TTC12: variants seen among roughly 807,000 people sequenced by gnomAD.
TTC12 encodes tetratricopeptide repeat domain 12.
In TTC12, 70 loss-of-function variants were observed where a neutral mutation model predicts 90.1. The ratio of observed to expected loss-of-function variants is 0.78; its 90% CI spans 0.64 to 0.95. The LOEUF (loss-of-function observed/expected upper bound fraction) is 0.95, where lower values mean the gene tolerates loss of function less well. TTC12 is among the 40% of genes least tolerant of loss of function. The probability of loss-of-function intolerance (pLI) is 0.00; values close to 1 mark genes in which losing one functional copy is unlikely to be tolerated. For synonymous variants in TTC12, 296 were observed against 311.5 expected, an observed-to-expected ratio of 0.95 and a Z score of 0.53; for missense variants, 819 against 846.1, an observed-to-expected ratio of 0.97 and a Z score of 0.40.
intron 16 of TTC12, among the ~76,000 whole-genome samples, chr11:113,356,374 A>C (rs782405556): frequency 1.6e-4 from 24 of 152,082 alleles, no homozygotes; most frequent in Non-Finnish European, 3.2e-4. Flanking sequence ...ATACCAGTGG[A>C]TCGTGGTTCT....
intron 6 of TTC12, chr11:113,329,647 G>A: frequency 1.8e-6 from 1 of 548,372 alleles, no homozygotes; most frequent in Non-Finnish European, 3.5e-6. Context: ...TACAGCAGTG[G>A]TAATGGCTGT....
intron 21 of TTC12, among the ~76,000 whole-genome samples, chr11:113,371,891 A>C (rs1950395721): frequency 6.6e-6 from 1 of 152,218 alleles, no homozygotes; most frequent in African/African-American, 2.4e-5. Context: ...GATGATTTCT[A>C]TAAAGCTCTC....
At chr11:113,328,163 C>T (rs530574224) in intron 6 of TTC12, among the ~76,000 whole-genome samples, 1 of 152,304 alleles carries the variant, frequency 6.6e-6, no homozygotes, top group East Asian at 1.9e-4. Flanking sequence ...CCTGGAAAAG[C>T]CACCACTCCT....
At position 113,364,044 on chromosome 11, in the gene TTC12, A is replaced by G. The variant is rs994636709; in HGVS notation, c.1816+117A>G. The G allele has an allele frequency of 1.2e-5, 8 of 665,998 alleles. No individual in the cohort carries two copies. In the African/African-American group the frequency reaches 1.5e-4, roughly 12 times the overall value. 41.3% of individuals were successfully genotyped at this position (665,998 alleles called of 1,614,324 possible). A position where few individuals can be genotyped will look rare whatever the true frequency, so the allele number is the denominator to read the frequency against. ...CAGCAATGCTGTTAACCTCTCCCAG[A>G]CTTCAGCAATGTTTACAGAAGATGT... On this transcript the variant is annotated intron_variant, in intron 20 of 21. Transcript: ENST00000529221.
rs370336232 is a variant in TTC12, at chr11:113,344,406, C to T, written c.1120C>T (p.Arg374Trp). Reference sequence around the variant, plus strand: ...GCATCTCGCCCAGACTGAGAGCGGACGGAGCCTGATCATCAACCACCTTGA... The same window carrying T: ...GCATCTCGCCCAGACTGAGAGCGGATGGAGCCTGATCATCAACCACCTTGA... ...LLHLAQTESG[R>W]SLIINHLDLT... Residue 374 changes from arginine (R) to tryptophan (W), a missense_variant, in exon 13 of 22, where the codon CGG (arginine) becomes TGG (tryptophan). Physicochemically the swap from Arg to Trp is moderately radical, Grantham distance 101. Coordinates refer to ENST00000529221, the MANE Select transcript of TTC12 (RefSeq NM_017868.4). 5.9e-5 allele frequency: 95 copies of T among 1,613,974 alleles called. No individual in the cohort carries two copies. Among genetic ancestry groups the T allele is most frequent in the South Asian group, 1.8e-4 (16 of 91,068 alleles).
Sources: gnomAD v4.1 joint callset for allele counts (sites outside exome capture counted in the v4.1 genomes callset) on GRCh38, gnomAD v4.1.1 for gene constraint, MANE v1.5 for transcripts, NCBI Gene and HGNC (gene_info 2026-07-23, HGNC 2026-07-21) for gene names.